STARD13: variants seen among roughly 807,000 people sequenced by gnomAD.
STARD13 encodes the protein stAR-related lipid transfer protein 13.
A neutral mutation model predicts 106.4 loss-of-function variants in STARD13; 62 were observed. The observed-to-expected ratio is 0.58, with a 90% CI of 0.48 to 0.72. STARD13 has a LOEUF of 0.72. Among genes scored for constraint, STARD13 ranks in the 30% least tolerant of loss-of-function variants. STARD13 has a pLI of 0.00. For synonymous variants in STARD13, 565 were observed against 553.0 expected (o/e 1.02, Z -0.31); for missense variants, 1,387 against 1,424.0 (o/e 0.97, Z 0.42).
intron 2 of STARD13, among the ~76,000 whole-genome samples, chr13:33,165,984 G>T (rs1229834950): frequency 6.6e-6 from 1 of 152,146 alleles, no homozygotes; most frequent in African/African-American, 2.4e-5. Context: ...CAGCTTTGAA[G>T]GTCACAGGCA....
intron 3 of STARD13, among the ~76,000 whole-genome samples, chr13:33,149,637 T>C (rs183393903): frequency 4.1e-4 from 63 of 152,330 alleles, no homozygotes; most frequent in Admixed American, 7.8e-4. Flanking sequence ...TGTCTGAAAC[T>C]AGGTACATAT....
At chr13:33,348,748 G>A in exon 2 of STARD13, 1 of 231,354 alleles carries the variant, frequency 4.3e-6, no homozygotes, top group Non-Finnish European at 8.9e-6. Context: ...GCATGTACAG[G>A]TTTTTAAACA....
the STARD13 span, among the ~76,000 whole-genome samples, chr13:33,464,037 A>ATATGTATATG: frequency 3.5e-5 from 5 of 140,982 alleles, no homozygotes; most frequent in African/African-American, 1.3e-4. Flanking sequence ...ATATATATAT[A>ATATGTATATG]TATATGTATA....
At chr13:33,113,573 T>C (rs775895321) in intron 8 of STARD13, 7 of 516,318 alleles carry the variant, frequency 1.4e-5, no homozygotes, top group Non-Finnish European at 2.7e-5. Context: ...CAGGACTTGC[T>C]TTGCAGGATG....
chr13:33,557,141 T>A, the STARD13 span, among the ~76,000 whole-genome samples: 7 of 152,210 alleles, frequency 4.6e-5, no homozygotes, highest in African/African-American at 1.7e-4. Context: ...CTGTTGCTCC[T>A]TTAACCCCTT....
At chr13:33,639,842 A>G in the STARD13 span, among the ~76,000 whole-genome samples, 2 of 152,208 alleles carry the variant, frequency 1.3e-5, no homozygotes, top group East Asian at 3.9e-4. Context: ...TTCCAATCAC[A>G]TGGCCACATG....
chr13:33,214,402 C>A (rs1887903929), intron 1 of STARD13, among the ~76,000 whole-genome samples: 1 of 152,172 alleles, frequency 6.6e-6, no homozygotes, highest in Non-Finnish European at 1.5e-5. Flanking sequence ...TGGCCACAAG[C>A]ATTCCTGGCA....
the STARD13 span, among the ~76,000 whole-genome samples, chr13:33,593,930 G>A: frequency 8.3e-3 from 1,257 of 151,826 alleles, 14 homozygotes; most frequent in African/African-American, 0.029. Flanking sequence ...TTTTTGAGAC[G>A]GAGTCTTGCT....
chr13:33,478,359 C>T, the STARD13 span, among the ~76,000 whole-genome samples: 2 of 152,108 alleles, frequency 1.3e-5, no homozygotes, highest in African/African-American at 2.4e-5. Context: ...AGGTGCCAAA[C>T]CACTAAAATT....
the STARD13 span, among the ~76,000 whole-genome samples, chr13:33,495,983 A>G: frequency 2.8e-5 from 4 of 141,600 alleles, no homozygotes; most frequent in Non-Finnish European, 6.1e-5. Context: ...TTATTATAAT[A>G]GATAGTGAAT....
intron 1 of STARD13, among the ~76,000 whole-genome samples, chr13:33,238,905 T>A (rs1016381886): frequency 1.3e-5 from 2 of 152,134 alleles, no homozygotes; most frequent in Non-Finnish European, 2.9e-5. Context: ...AAAAAATAAC[T>A]TCTTAATGTG....
At chr13:33,554,198 T>C in the STARD13 span, among the ~76,000 whole-genome samples, 1 of 152,166 alleles carries the variant, frequency 6.6e-6, no homozygotes, top group Non-Finnish European at 1.5e-5. Context: ...GGAGATGTAA[T>C]TTTTTTAGCC....
the STARD13 span, among the ~76,000 whole-genome samples, chr13:33,487,899 C>T: frequency 2.0e-5 from 3 of 152,202 alleles, no homozygotes; most frequent in Non-Finnish European, 4.4e-5. Context: ...AATATTCTCT[C>T]TGTGACCTCT....
chr13:33,446,881 G>A, the STARD13 span, among the ~76,000 whole-genome samples: 2 of 152,168 alleles, frequency 1.3e-5, no homozygotes, highest in Non-Finnish European at 2.9e-5. Flanking sequence ...GAAAAAACAT[G>A]ACTGTAGTTT....
chr13:33,572,931 C>T, the STARD13 span, among the ~76,000 whole-genome samples: 1 of 152,110 alleles, frequency 6.6e-6, no homozygotes, highest in African/African-American at 2.4e-5. Context: ...TGTAGGGGAT[C>T]CTGAAACCAG....
At chr13:33,157,459 C>A (rs544118945) in intron 3 of STARD13, among the ~76,000 whole-genome samples, 1 of 152,182 alleles carries the variant, frequency 6.6e-6, no homozygotes, top group African/African-American at 2.4e-5. Flanking sequence ...CTTGAGGTCA[C>A]GAGTTTGAAA....
chr13:33,403,919 G>C, the STARD13 span, among the ~76,000 whole-genome samples: 1 of 152,056 alleles, frequency 6.6e-6, no homozygotes, highest in Admixed American at 6.6e-5. Context: ...ATAAATTCTG[G>C]TCAAACTTTT....
the STARD13 span, among the ~76,000 whole-genome samples, chr13:33,541,172 G>GAA: frequency 6.8e-6 from 1 of 146,828 alleles, no homozygotes; most frequent in Non-Finnish European, 1.5e-5. Flanking sequence ...TGGGAAAGTC[G>GAA]AAAAAAAAAA....
the STARD13 span, among the ~76,000 whole-genome samples, chr13:33,525,564 G>C: frequency 2.6e-5 from 4 of 152,176 alleles, no homozygotes; most frequent in Admixed American, 2.6e-4. Flanking sequence ...TTCTTTTCAA[G>C]AAAGTTGGAT....
Sources: allele counts gnomAD v4.1 joint callset (sites outside exome capture counted in the v4.1 genomes callset), GRCh38; gene constraint gnomAD v4.1.1; transcripts MANE v1.5; gene names NCBI Gene and HGNC (gene_info 2026-07-23, HGNC 2026-07-21).